TERF2IP: variants seen among roughly 807,000 people sequenced by gnomAD.
The protein encoded by TERF2IP is telomeric repeat-binding factor 2-interacting protein 1.
Under a neutral mutation model 33.3 loss-of-function variants are expected in TERF2IP, and 35 were observed. The ratio of observed to expected loss-of-function variants is 1.05; its 90% CI spans 0.80 to 1.39. The LOEUF (loss-of-function observed/expected upper bound fraction) is 1.39, where lower values mean the gene tolerates loss of function less well. Among genes scored for constraint, TERF2IP ranks in the 40% most tolerant of loss-of-function variants. The probability of loss-of-function intolerance (pLI) is 0.00; values close to 1 mark genes in which losing one functional copy is unlikely to be tolerated. For synonymous variants in TERF2IP, 253 were observed against 223.2 expected, an observed-to-expected ratio of 1.13 and a Z score of -1.19; for missense variants, 583 against 524.8, an observed-to-expected ratio of 1.11 and a Z score of -1.08.
At chr16:75,652,125 T>C (rs191570182) in intron 1 of TERF2IP, among the ~76,000 whole-genome samples, 106 of 152,292 alleles carry the variant, frequency 7.0e-4, no homozygotes, top group African/African-American at 2.0e-3. Context: ...AGAGTACAAA[T>C]GGGTACATAC....
Position 75,648,231 on chromosome 16 carries a change from G to T in TERF2IP, c.349G>T (p.Ala117Ser). The change falls in exon 1 of 3, where the codon GCC (alanine) becomes TCC (serine). Residue 117 changes from alanine (A) to serine (S), a missense_variant. Physicochemically the swap from Ala to Ser is moderately conservative, Grantham distance 99 (BLOSUM62 1). Transcript: ENST00000300086. ...ADTGSEAKPG[A>S]LAEGAAEPEP... ...CACCGGCTCGGAAGCAAAGCCCGGG[G>T]CCCTGGCCGAGGGCGCCGCGGAGCC... is the stretch of plus-strand genomic sequence containing the variant. 6.5e-7 allele frequency: 1 copy of T among 1,545,200 alleles called. No homozygotes were observed. Among genetic ancestry groups the T allele is most frequent in the South Asian group, 1.2e-5 (1 of 83,962 alleles).
rs1183701473 is a variant in TERF2IP, at chr16:75,654,352, C to G, written c.750C>G (p.Val250=). Residue 250 remains valine, a synonymous_variant, in exon 2 of 3, where the codon GTC becomes GTG. Transcript: ENST00000300086. ...KEEIQENEEA[V]KKMLVEATRE... ...AAATCCAGGAGAATGAAGAAGCAGTCAAAAAGATGCTTGTGGAAGCCACCC... is the reference window on the plus strand; with the variant it reads ...AAATCCAGGAGAATGAAGAAGCAGTGAAAAAGATGCTTGTGGAAGCCACCC... 1 of 1,613,820 alleles carries G rather than the reference C, an allele frequency of 6.2e-7. No individual in the cohort carries two copies. Among genetic ancestry groups the G allele is most frequent in the South Asian group, 1.1e-5 (1 of 91,048 alleles).
At chr16:75,656,126 G>T in intron 2 of TERF2IP, 81 bp from the exon 3 acceptor site, 4 of 1,377,160 alleles carry the variant, frequency 2.9e-6, no homozygotes, top group Non-Finnish European at 4.0e-6. Flanking sequence ...GGGCAAGGGG[G>T]TGATAGTTGG....
intron 2 of TERF2IP, among the ~76,000 whole-genome samples, chr16:75,654,903 T>C (rs748000412): frequency 1.3e-5 from 2 of 152,168 alleles, no homozygotes; most frequent in Admixed American, 6.5e-5. Flanking sequence ...TAATTATTTG[T>C]ATTTTTAGTA....
At chr16:75,655,948 CACACATAT>C (rs1212542567) in intron 2 of TERF2IP, among the ~76,000 whole-genome samples, 3 of 152,066 alleles carry the variant, frequency 2.0e-5, no homozygotes, top group Non-Finnish European at 4.4e-5. Context: ...GTCAATTATA[CACACATAT>C]ACACATATAC....
Position 75,647,780 on chromosome 16 carries a change from C to T in TERF2IP, c.-103C>T. On this transcript the variant is annotated 5_prime_UTR_variant, in exon 1 of 3. Transcript: ENST00000300086. The stretch of plus-strand genomic sequence containing the variant: ...CTGCTGCTGCGCAGGCCCAGTGCTG[C>T]GCTTCGCGGCAGAGGCGTCTGCGGT... 6.4e-7 allele frequency: 1 copy of T among 1,570,902 alleles called. No homozygotes were observed. Among genetic ancestry groups the T allele is most frequent in the Admixed American group, 1.7e-5 (1 of 58,504 alleles).
At chr16:75,651,565 T>C (rs1045862518) in intron 1 of TERF2IP, among the ~76,000 whole-genome samples, 3 of 152,170 alleles carry the variant, frequency 2.0e-5, no homozygotes, top group African/African-American at 7.2e-5. Context: ...GGCATGCGCC[T>C]GTAATCGCAG....
chr16:75,648,242 G>A lies in TERF2IP; in HGVS notation c.360G>A (p.Glu120=). Residue 120 remains glutamate (E), a synonymous_variant, in exon 1 of 3, where the codon GAG becomes GAA. Coordinates refer to ENST00000300086, the MANE Select transcript of TERF2IP (RefSeq NM_018975.4). ...GSEAKPGALA[E]GAAEPEPQRH... ...AAGCAAAGCCCGGGGCCCTGGCCGA[G>A]GGCGCCGCGGAGCCGGAGCCGCAGC... 6.5e-7 allele frequency: 1 copy of A among 1,545,392 alleles called. No individual in the cohort carries two copies. Among genetic ancestry groups the A allele is most frequent in the Non-Finnish European group, 8.7e-7 (1 of 1,145,010 alleles).
intron 1 of TERF2IP, among the ~76,000 whole-genome samples, chr16:75,651,382 T>C (rs1339618585): frequency 2.0e-5 from 3 of 151,978 alleles, no homozygotes; most frequent in Non-Finnish European, 4.4e-5. Context: ...GAAGAAATAG[T>C]CTGTTATTAA....
intron 2 of TERF2IP, 63 bp downstream of exon 2, chr16:75,654,460 A>G (rs1329179772): frequency 3.2e-6 from 5 of 1,546,554 alleles, no homozygotes; most frequent in Non-Finnish European, 4.4e-6. Flanking sequence ...GAAACTGGTT[A>G]TCCTGTACAC....
At position 75,654,791 on chromosome 16, in the gene TERF2IP, C is replaced by T. The variant is rs923104436; in HGVS notation, c.795+394C>T. On this transcript the variant is annotated intron_variant, in intron 2 of 2. Coordinates refer to ENST00000300086, the MANE Select transcript of TERF2IP (RefSeq NM_018975.4). Reference sequence around the variant, plus strand: ...TCGCCCAGGCTGGAGTGCAGTGGTGCGATCTTGGCTCACTGCAAGCTCCGC... The same window carrying T: ...TCGCCCAGGCTGGAGTGCAGTGGTGTGATCTTGGCTCACTGCAAGCTCCGC... Among the ~76,000 whole-genome samples the T allele has an allele frequency of 2.6e-5, 4 of 152,068 alleles. No homozygotes were observed. The East Asian group carries it at 5.8e-4, about 22-fold the overall frequency.
chr16:75,651,524 C>G (rs1193185179), intron 1 of TERF2IP, among the ~76,000 whole-genome samples: 1 of 152,128 alleles, frequency 6.6e-6, no homozygotes, highest in Non-Finnish European at 1.5e-5. Flanking sequence ...TCCGTCTCTA[C>G]TAAAAACTAC....
At position 75,653,146 on chromosome 16, in the gene TERF2IP, T is replaced by C. The variant is rs1241696637; in HGVS notation, c.671-1127T>C. On this transcript the variant is annotated intron_variant, in intron 1 of 2. Coordinates refer to ENST00000300086, the MANE Select transcript of TERF2IP (RefSeq NM_018975.4). ...TCCATTGTATGTATATACTACATTT[T>C]GTTTTTCCATTAATGTATCAATTGA... 2.0e-5 allele frequency among the ~76,000 whole-genome samples: 3 copies of C among 152,208 alleles called. No individual in the cohort carries two copies. The East Asian group carries it at 5.8e-4, about 29-fold the overall frequency.
intron 1 of TERF2IP, among the ~76,000 whole-genome samples, chr16:75,650,293 G>T (rs958176605): frequency 1.3e-5 from 2 of 152,164 alleles, no homozygotes; most frequent in African/African-American, 4.8e-5. Context: ...TTTAAGCAGA[G>T]ACCGAAGGAA....
chr16:75,654,527 A>C (rs1250611687), intron 2 of TERF2IP, 130 bp downstream of exon 2: 2 of 944,826 alleles, frequency 2.1e-6, no homozygotes, highest in Non-Finnish European at 1.5e-6. Flanking sequence ...ATGGAAAGGG[A>C]AAATGGAAAA....
At chr16:75,648,582 A>G (rs1776364829) in intron 1 of TERF2IP, 30 bp downstream of exon 1, 3 of 1,501,922 alleles carry the variant, frequency 2.0e-6, no homozygotes, top group Admixed American at 2.1e-5. Flanking sequence ...GGCCTCGCGG[A>G]TATCTGCGCG....
chr16:75,656,736 T>C lies in TERF2IP; in HGVS notation c.*125T>C. 1 of 908,226 alleles carries C rather than the reference T, an allele frequency of 1.1e-6. No homozygotes were observed. The highest frequency in any genetic ancestry group is 1.6e-6 in the Non-Finnish European group (1 of 606,092). The allele number at this position is 908,226 out of a possible 1,614,324, so 56.3% of individuals were successfully genotyped here. A position where few individuals can be genotyped will look rare whatever the true frequency, so the allele number is the denominator to read the frequency against. ...ACTTATTTTCTGACCATCGCTGCTG[T>C]TGCTCTGTGAGTCCTAGATTTTTGT... On this transcript the variant is annotated 3_prime_UTR_variant, in exon 3 of 3. Transcript: ENST00000300086.
At chr16:75,651,065 T>C (rs1462910700) in intron 1 of TERF2IP, among the ~76,000 whole-genome samples, 1 of 152,188 alleles carries the variant, frequency 6.6e-6, no homozygotes. Context: ...CTGCCTGATT[T>C]GCCAGAAGAA....
chr16:75,652,723 C>T (rs939996240), intron 1 of TERF2IP, among the ~76,000 whole-genome samples: 20 of 151,970 alleles, frequency 1.3e-4, no homozygotes, highest in East Asian at 1.2e-3. Context: ...ATGTATATAC[C>T]GTAAAATTTA....
Sources: gnomAD v4.1 joint callset for allele counts (sites outside exome capture counted in the v4.1 genomes callset) on GRCh38, gnomAD v4.1.1 for gene constraint, MANE v1.5 for transcripts, NCBI Gene and HGNC (gene_info 2026-07-23, HGNC 2026-07-21) for gene names.